SORCS3: variants seen among roughly 807,000 people sequenced by gnomAD.
SORCS3 encodes the protein sortilin related VPS10 domain containing receptor 3.
In SORCS3, 57 loss-of-function variants were observed where a neutral mutation model predicts 146.3. That is an observed-to-expected ratio of 0.39 (90% CI 0.31 to 0.49). The LOEUF is 0.49. Ranked by LOEUF, SORCS3 falls within the 20% of genes least tolerant of loss-of-function variation. The probability of loss-of-function intolerance (pLI) is 0.92; values close to 1 mark genes in which losing one functional copy is unlikely to be tolerated. For missense variants in SORCS3, 1,341 were observed against 1,575.5 expected (o/e 0.85, Z 2.52); for synonymous variants, 653 against 618.5 (o/e 1.06, Z -0.83).
chr10:105,054,292 T>C (rs1209290048), intron 5 of SORCS3, among the ~76,000 whole-genome samples: 1 of 151,944 alleles, frequency 6.6e-6, no homozygotes, highest in Non-Finnish European at 1.5e-5. Flanking sequence ...ATTTTCCCTT[T>C]ATAATGTTTT....
intron 3 of SORCS3, among the ~76,000 whole-genome samples, chr10:104,934,290 A>G (rs1193912950): frequency 2.0e-5 from 3 of 152,224 alleles, no homozygotes; most frequent in African/African-American, 4.8e-5. Flanking sequence ...AGGTCTGGGA[A>G]AGGTTAAGGC....
intron 5 of SORCS3, among the ~76,000 whole-genome samples, chr10:105,083,185 G>A (rs911760782): frequency 1.4e-5 from 2 of 144,524 alleles, no homozygotes; most frequent in African/African-American, 5.1e-5. Flanking sequence ...TTGATTACTT[G>A]TTTACATTAG....
intron 1 of SORCS3, among the ~76,000 whole-genome samples, chr10:104,805,119 G>A (rs12268867): frequency 0.012 from 1,875 of 152,306 alleles, 36 homozygotes; most frequent in African/African-American, 0.043. Context: ...GGGGCCATAA[G>A]CCATGGACCC....
intron 5 of SORCS3, among the ~76,000 whole-genome samples, chr10:105,070,502 G>A (rs2055549815): frequency 1.3e-5 from 2 of 152,164 alleles, no homozygotes; most frequent in African/African-American, 4.8e-5. Context: ...AGAAATCCTA[G>A]GTTCTTTCTT....
intron 1 of SORCS3, among the ~76,000 whole-genome samples, chr10:104,731,396 T>A (rs2016705458): frequency 6.6e-6 from 1 of 152,228 alleles, no homozygotes; most frequent in Non-Finnish European, 1.5e-5. Flanking sequence ...TACTGAGTCA[T>A]GTTCCTTCTG....
chr10:104,790,977 C>CT (rs962838063), intron 1 of SORCS3, among the ~76,000 whole-genome samples: 3 of 152,108 alleles, frequency 2.0e-5, no homozygotes, highest in African/African-American at 4.8e-5. Context: ...ACAGGCAACA[C>CT]TTTTTTTTCT....
At chr10:104,730,859 C>T (rs778587150) in intron 1 of SORCS3, among the ~76,000 whole-genome samples, 1 of 152,146 alleles carries the variant, frequency 6.6e-6, no homozygotes, top group Non-Finnish European at 1.5e-5. Flanking sequence ...GGAAACCAAC[C>T]CCATGATTCC....
rs992645621 is a variant in SORCS3 at position 104,946,639 on chromosome 10, C to T, written c.796-30696C>T. 6.6e-5 allele frequency among the ~76,000 whole-genome samples: 10 copies of T among 152,108 alleles called. 1 individual carries two copies. The highest frequency in any genetic ancestry group is 2.2e-4 in the African/African-American group (9 of 41,410). On this transcript the variant is annotated intron_variant, in intron 3 of 26. Coordinates refer to ENST00000369701, the MANE Select transcript of SORCS3 (RefSeq NM_014978.3). Reference sequence around the variant, plus strand: ...GCTGATTCCATGGTTTCAAACAAAACCAGAAGCTGCTTCCACTGGCAGAGC... The same window carrying T: ...GCTGATTCCATGGTTTCAAACAAAATCAGAAGCTGCTTCCACTGGCAGAGC...
rs369809084 is a variant in SORCS3, at chr10:104,723,750, GA to G, written c.627+81797del. Among the ~76,000 whole-genome samples, 789 of 152,262 alleles carry G rather than the reference GA, an allele frequency of 5.2e-3. 10 individuals carry two copies. Among genetic ancestry groups the G allele is most frequent in the African/African-American group, 0.018 (734 of 41,538 alleles). On this transcript the variant is annotated intron_variant, in intron 1 of 26. Transcript: ENST00000369701. The stretch of plus-strand genomic sequence containing the variant: ...TTGTGTAATGACCTTTGTCTCTTTT[GA>G]TCTTTGTTGTTTTGAAGTCTGTTTT...
chr10:105,073,822 T>A (rs2055572734), intron 5 of SORCS3, among the ~76,000 whole-genome samples: 1 of 152,178 alleles, frequency 6.6e-6, no homozygotes, highest in South Asian at 2.1e-4. Flanking sequence ...AGGATTTGTT[T>A]GAAGGAACAG....
chr10:104,799,809 GGGACTACA>G (rs2017603553), intron 1 of SORCS3, among the ~76,000 whole-genome samples: 1 of 151,872 alleles, frequency 6.6e-6, no homozygotes, highest in Admixed American at 6.6e-5. Context: ...CTGAGTAGCT[GGGACTACA>G]GGTGCCCACC....
rs556991472 is a variant in SORCS3, at chr10:105,005,491, AC to A, written c.954+27999del. ...CTGAGGAAGAAATACAAAGGCTGAG[AC>A]TTGGAGGATGAGTAGTTGCTAGCCA... On this transcript the variant is annotated intron_variant, in intron 4 of 26. Transcript: ENST00000369701. Among the ~76,000 whole-genome samples, 6 of 152,254 alleles carry A rather than the reference AC, an allele frequency of 3.9e-5. No homozygotes were observed. The South Asian group carries it at 1.2e-3, about 32-fold the overall frequency.
chr10:104,906,035 T>C (rs1008903953), intron 2 of SORCS3, among the ~76,000 whole-genome samples: 5 of 152,194 alleles, frequency 3.3e-5, no homozygotes, highest in East Asian at 1.9e-4. Context: ...TGTTCCTTCA[T>C]TGGGCGGCTG....
intron 3 of SORCS3, among the ~76,000 whole-genome samples, chr10:104,968,655 T>A (rs1037903444): frequency 2.0e-5 from 3 of 152,208 alleles, no homozygotes; most frequent in Non-Finnish European, 4.4e-5. Context: ...TCTGTCCTGT[T>A]CGTATTGCCA....
intron 18 of SORCS3, among the ~76,000 whole-genome samples, chr10:105,215,471 A>T (rs1282846247): frequency 1.3e-5 from 2 of 152,230 alleles, no homozygotes; most frequent in African/African-American, 4.8e-5. Context: ...CACACTGGAC[A>T]GGGTGGTGAA....
At chr10:104,921,503 CTGTGTGTGTGTG>C (rs752411926) in intron 3 of SORCS3, among the ~76,000 whole-genome samples, 13 of 143,590 alleles carry the variant, frequency 9.1e-5, no homozygotes, top group South Asian at 2.2e-4. Context: ...CTCTCTCTCT[CTGTGTGTGTGTG>C]TGTGTGTGTG....
At position 104,963,078 on chromosome 10, in the gene SORCS3, T is replaced by C. The variant is rs559738100; in HGVS notation, c.796-14257T>C. 3.9e-5 allele frequency among the ~76,000 whole-genome samples: 6 copies of C among 152,362 alleles called. No homozygotes were observed. In the South Asian group the frequency reaches 1.0e-3, roughly 26 times the overall value. On this transcript the variant is annotated intron_variant, in intron 3 of 26. Transcript: ENST00000369701. ...ACTTTAGTCATTATCCTATCAAATA[T>C]AGTCATTATTTCTAATTTTGTATTA... is the stretch of plus-strand genomic sequence containing the variant.
intron 5 of SORCS3, among the ~76,000 whole-genome samples, chr10:105,071,393 G>A (rs1218369561): frequency 2.6e-5 from 4 of 152,232 alleles, no homozygotes; most frequent in Admixed American, 2.6e-4. Flanking sequence ...CCTTGGAGGA[G>A]TACAGTGTGC....
At chr10:104,740,582 A>T (rs1437135871) in intron 1 of SORCS3, among the ~76,000 whole-genome samples, 1 of 152,216 alleles carries the variant, frequency 6.6e-6, no homozygotes, top group East Asian at 1.9e-4. Context: ...CCATAATGGC[A>T]TGAACTCCTT....
Sources: allele counts gnomAD v4.1 joint callset (sites outside exome capture counted in the v4.1 genomes callset), GRCh38; gene constraint gnomAD v4.1.1; transcripts MANE v1.5; gene names NCBI Gene and HGNC (gene_info 2026-07-23, HGNC 2026-07-21).